The following GABRB3 variants were observed in gnomAD, a reference collection of about 807,000 sequenced individuals.
GABRB3 encodes the protein gamma-aminobutyric acid type A receptor subunit beta3.
A neutral mutation model predicts 52.1 loss-of-function variants in GABRB3; 14 were observed. The ratio of observed to expected loss-of-function variants is 0.27; its 90% CI spans 0.18 to 0.42. The LOEUF (loss-of-function observed/expected upper bound fraction) is 0.42. Ranked by LOEUF, GABRB3 falls within the 10% of genes least tolerant of loss-of-function variation. The pLI is 1.00. For missense variants in GABRB3, 307 were observed against 609.1 expected, an observed-to-expected ratio of 0.50 and a Z score of 5.22; for synonymous variants, 260 against 232.3, an observed-to-expected ratio of 1.12 and a Z score of -1.08.
At chr15:26,762,097 G>C (rs1193663799) in intron 3 of GABRB3, among the ~76,000 whole-genome samples, 4 of 152,136 alleles carry the variant, frequency 2.6e-5, no homozygotes, top group Admixed American at 2.6e-4. Context: ...CTCCCAAAGT[G>C]CTGGGATTAC....
chr15:26,566,480 C>T (rs1293708908), intron 7 of GABRB3, among the ~76,000 whole-genome samples: 1 of 152,168 alleles, frequency 6.6e-6, no homozygotes, highest in Non-Finnish European at 1.5e-5. Flanking sequence ...ACTCCTAGCA[C>T]TCTGGGAGGC....
intron 3 of GABRB3, among the ~76,000 whole-genome samples, chr15:26,659,684 G>T (rs74004636): frequency 0.1 from 15,971 of 152,176 alleles, 928 homozygotes; most frequent in Admixed American, 0.19. Flanking sequence ...GTAGAAAGAG[G>T]AAGATGGAAA....
At chr15:26,578,489 C>T (rs1294064884) in intron 6 of GABRB3, among the ~76,000 whole-genome samples, 1 of 152,232 alleles carries the variant, frequency 6.6e-6, no homozygotes, top group African/African-American at 2.4e-5. Flanking sequence ...TGTTCTACCA[C>T]ATACAGACTG....
At chr15:26,668,315 A>G (rs1201292430) in intron 3 of GABRB3, among the ~76,000 whole-genome samples, 1 of 152,244 alleles carries the variant, frequency 6.6e-6, no homozygotes, top group African/African-American at 2.4e-5. Context: ...CTAATGTGCT[A>G]TAAAAAATTA....
intron 3 of GABRB3, among the ~76,000 whole-genome samples, chr15:26,733,224 G>A (rs1286759664): frequency 6.6e-6 from 1 of 152,100 alleles, no homozygotes; most frequent in African/African-American, 2.4e-5. Flanking sequence ...TCCCTTTATG[G>A]ATGATATGAT....
chr15:26,758,363 C>A (rs978115860), intron 3 of GABRB3, among the ~76,000 whole-genome samples: 10 of 151,888 alleles, frequency 6.6e-5, no homozygotes, highest in African/African-American at 2.4e-4. Flanking sequence ...TAACAAATTC[C>A]ATCTGCTTTC....
At chr15:26,676,714 C>A (rs1888079946) in intron 3 of GABRB3, among the ~76,000 whole-genome samples, 2 of 152,186 alleles carry the variant, frequency 1.3e-5, no homozygotes, top group South Asian at 4.1e-4. Flanking sequence ...TAAAATAGAT[C>A]AGTCTTAAAT....
At chr15:26,644,241 G>A (rs2140577664) in intron 3 of GABRB3, among the ~76,000 whole-genome samples, 1 of 152,318 alleles carries the variant, frequency 6.6e-6, no homozygotes, top group African/African-American at 2.4e-5. Flanking sequence ...CTGCTACATG[G>A]AAAACAGTCT....
At chr15:26,742,558 T>G (rs934684190) in intron 3 of GABRB3, among the ~76,000 whole-genome samples, 5 of 152,232 alleles carry the variant, frequency 3.3e-5, no homozygotes, top group African/African-American at 1.2e-4. Flanking sequence ...ACCCAACACC[T>G]TAAGTAGACT....
At chr15:26,745,344 A>G (rs77851180) in intron 3 of GABRB3, among the ~76,000 whole-genome samples, 2 of 152,196 alleles carry the variant, frequency 1.3e-5, no homozygotes, top group African/African-American at 4.8e-5. Context: ...TGTAAAAAAA[A>G]TTGTACTGGG....
intron 3 of GABRB3, among the ~76,000 whole-genome samples, chr15:26,731,056 C>T (rs574508996): frequency 2.7e-5 from 3 of 111,752 alleles, no homozygotes; most frequent in Admixed American, 2.3e-4. Flanking sequence ...TGCAGGCTCT[C>T]TCACTCGCTC....
intron 3 of GABRB3, among the ~76,000 whole-genome samples, chr15:26,726,426 G>A (rs910277071): frequency 9.8e-5 from 15 of 152,296 alleles, no homozygotes; most frequent in Middle Eastern, 3.4e-3. Flanking sequence ...GAATGTCACT[G>A]ATAGTTCCAC....
At chr15:26,554,884 T>G (rs1199687592) in intron 8 of GABRB3, among the ~76,000 whole-genome samples, 4 of 152,002 alleles carry the variant, frequency 2.6e-5, no homozygotes, top group Admixed American at 2.0e-4. Flanking sequence ...GCAAAAAAAG[T>G]CAAGGAAACT....
At chr15:26,598,292 T>C (rs765481888) in intron 4 of GABRB3, among the ~76,000 whole-genome samples, 4 of 151,872 alleles carry the variant, frequency 2.6e-5, no homozygotes, top group Non-Finnish European at 4.4e-5. Flanking sequence ...CAAAGCGAAA[T>C]TGAAGTTTTT....
intron 3 of GABRB3, among the ~76,000 whole-genome samples, chr15:26,733,600 A>T (rs4906898): frequency 0.91 from 138,051 of 152,240 alleles, 62,687 homozygotes; most frequent in East Asian, 1. Flanking sequence ...CAATTCTAAA[A>T]CCCATTGATG....
In GABRB3 at chr15:26,664,704, G is replaced by GTTTTTTTTTTTTTTTTTTTTT. The variant is rs1162139952; in HGVS notation, c.241-43171_241-43170insAAAAAAAAAAAAAAAAAAAAA. The stretch of plus-strand genomic sequence containing the variant: ...CCTTATCATTTCTTTTCTTTTCTTT[G>GTTTTTTTTTTTTTTTTTTTTT]TTTTTTTTTTTTTTTTTTTGGTGGA... On this transcript the variant is annotated intron_variant, in intron 3 of 8. Coordinates refer to ENST00000311550, the MANE Select transcript of GABRB3 (RefSeq NM_000814.6). 3.2e-5 allele frequency among the ~76,000 whole-genome samples: 3 copies of GTTTTTTTTTTTTTTTTTTTTT among 95,224 alleles called. 1 individual carries two copies. The highest frequency in any genetic ancestry group is 4.2e-5 in the African/African-American group (1 of 23,980). 62.5% of individuals were successfully genotyped at this position (95,224 alleles called of 152,430 possible). A position where few individuals can be genotyped will look rare whatever the true frequency, so the allele number is the denominator to read the frequency against.
intron 3 of GABRB3, among the ~76,000 whole-genome samples, chr15:26,661,598 C>T (rs944655229): frequency 6.6e-6 from 1 of 152,048 alleles, no homozygotes; most frequent in Non-Finnish European, 1.5e-5. Context: ...AGCACAGTAG[C>T]GTGCAGGGAA....
At chr15:26,731,291 G>T (rs985648837) in intron 3 of GABRB3, among the ~76,000 whole-genome samples, 2 of 152,176 alleles carry the variant, frequency 1.3e-5, no homozygotes, top group Non-Finnish European at 2.9e-5. Flanking sequence ...TTACTACAAT[G>T]AGCATTTTAA....
intron 3 of GABRB3, among the ~76,000 whole-genome samples, chr15:26,664,704 G>GTTTTTTTTT (rs1162139952): frequency 3.2e-5 from 3 of 95,220 alleles, no homozygotes; most frequent in African/African-American, 8.3e-5. Context: ...TCTTTTCTTT[G>GTTTTTTTTT]TTTTTTTTTT....
Sources: gnomAD v4.1 joint callset for allele counts (sites outside exome capture counted in the v4.1 genomes callset) on GRCh38, gnomAD v4.1.1 for gene constraint, MANE v1.5 for transcripts, NCBI Gene and HGNC (gene_info 2026-07-23, HGNC 2026-07-21) for gene names.